Variants in COP1 observed in about 807,000 individuals in gnomAD.
COP1 encodes COP1 E3 ubiquitin ligase, also known as E3 ubiquitin-protein ligase COP1.
Under a neutral mutation model 101.3 loss-of-function variants are expected in COP1, and 24 were observed. That is an observed-to-expected ratio of 0.24 (90% CI 0.17 to 0.33). The LOEUF is 0.33. Ranked by LOEUF, COP1 falls within the 10% of genes least tolerant of loss-of-function variation. The probability of loss-of-function intolerance (pLI) is 1.00; values close to 1 mark genes in which losing one functional copy is unlikely to be tolerated. For missense variants in COP1, 663 were observed against 906.2 expected (o/e 0.73, Z 3.45); for synonymous variants, 347 against 341.9 (o/e 1.01, Z -0.17).
At chr1:176,167,705 T>C (rs1695349318) in intron 3 of COP1, among the ~76,000 whole-genome samples, 2 of 152,222 alleles carry the variant, frequency 1.3e-5, no homozygotes, top group Admixed American at 1.3e-4. Flanking sequence ...ACGGTCTTTT[T>C]AGAGGCAGAA....
At chr1:176,008,085 TG>T (rs1207763854) in intron 15 of COP1, among the ~76,000 whole-genome samples, 1 of 152,166 alleles carries the variant, frequency 6.6e-6, no homozygotes, top group Non-Finnish European at 1.5e-5. Flanking sequence ...GCGCAGTATT[TG>T]GGTGGGAGTG....
rs571395358 is a variant in COP1, at chr1:176,169,198, C to G, written c.566-5307G>C. On this transcript the variant is annotated intron_variant, in intron 3 of 19. Coordinates refer to ENST00000367669, the MANE Select transcript of COP1 (RefSeq NM_022457.7). Reference sequence around the variant, plus strand: ...AAAATTACACAAAGGAAATGGAATCCTCGTCATAGTAATATTCATCAATGC... The same window carrying G: ...AAAATTACACAAAGGAAATGGAATCGTCGTCATAGTAATATTCATCAATGC... Among the ~76,000 whole-genome samples, 9 of 152,210 alleles carry G rather than the reference C, an allele frequency of 5.9e-5. No individual in the cohort carries two copies. The East Asian group carries it at 1.7e-3, about 29-fold the overall frequency.
chr1:176,157,020 A>C (rs1031389179), intron 5 of COP1, among the ~76,000 whole-genome samples: 26 of 152,198 alleles, frequency 1.7e-4, no homozygotes, highest in African/African-American at 6.0e-4. Context: ...CAACATGGTG[A>C]GACGCCATCT....
intron 11 of COP1, among the ~76,000 whole-genome samples, chr1:176,074,426 A>T (rs773783111): frequency 5.3e-5 from 8 of 152,130 alleles, no homozygotes; most frequent in Non-Finnish European, 1.0e-4. Flanking sequence ...TTCATCTCTC[A>T]TGCCTAAGAA....
chr1:175,951,600 GA>G (rs1649930908), intron 18 of COP1, among the ~76,000 whole-genome samples: 2 of 151,766 alleles, frequency 1.3e-5, no homozygotes, highest in Admixed American at 1.3e-4. Flanking sequence ...TGAGAGAAAA[GA>G]AACAAATGAA....
intron 15 of COP1, among the ~76,000 whole-genome samples, chr1:176,016,172 T>C (rs1018458247): frequency 6.6e-6 from 1 of 152,058 alleles, no homozygotes; most frequent in Non-Finnish European, 1.5e-5. Flanking sequence ...AAGAGTGGAA[T>C]TGAGATAACT....
intron 15 of COP1, among the ~76,000 whole-genome samples, chr1:176,025,425 T>A (rs1402904058): frequency 1.5e-5 from 2 of 130,710 alleles, no homozygotes. Flanking sequence ...ACAAAACAAA[T>A]ATCCAAATAT....
At chr1:175,977,542 T>C (rs923927001) in intron 18 of COP1, among the ~76,000 whole-genome samples, 2 of 151,948 alleles carry the variant, frequency 1.3e-5, no homozygotes, top group Non-Finnish European at 2.9e-5. Context: ...GTGAATAAAA[T>C]AGAATTTAAG....
chr1:176,138,163 A>G (rs1474937022), intron 6 of COP1, among the ~76,000 whole-genome samples: 1 of 152,188 alleles, frequency 6.6e-6, no homozygotes, highest in African/African-American at 2.4e-5. Context: ...AGCAGAGTAA[A>G]TAATAACATA....
At chr1:176,089,834 A>G (rs1680956871) in intron 9 of COP1, among the ~76,000 whole-genome samples, 1 of 152,216 alleles carries the variant, frequency 6.6e-6, no homozygotes, top group South Asian at 2.1e-4. Context: ...TAAAGAAGGA[A>G]ATCAATATAT....
intron 15 of COP1, among the ~76,000 whole-genome samples, chr1:176,014,343 T>G (rs1190114846): frequency 6.6e-6 from 1 of 152,200 alleles, no homozygotes; most frequent in Non-Finnish European, 1.5e-5. Flanking sequence ...TGATTCTGGG[T>G]GCTAAATTAG....
At chr1:176,144,403 GA>G (rs1208917741) in intron 6 of COP1, among the ~76,000 whole-genome samples, 5 of 152,034 alleles carry the variant, frequency 3.3e-5, no homozygotes, top group African/African-American at 1.2e-4. Context: ...AGACTACCCT[GA>G]AAAATATAAA....
intron 5 of COP1, among the ~76,000 whole-genome samples, chr1:176,155,965 C>T (rs774606618): frequency 7.5e-4 from 113 of 151,240 alleles, no homozygotes; most frequent in Middle Eastern, 3.2e-3. Context: ...CAGATGGATG[C>T]GAGAAAAAAT....
At chr1:176,204,674 A>T (rs1033994690) in intron 1 of COP1, among the ~76,000 whole-genome samples, 1 of 152,210 alleles carries the variant, frequency 6.6e-6, no homozygotes. Context: ...AATCCCTCCC[A>T]GCACCTTGGG....
chr1:176,005,538 T>C (rs1459762821), intron 15 of COP1, among the ~76,000 whole-genome samples: 2 of 152,198 alleles, frequency 1.3e-5, no homozygotes, highest in Non-Finnish European at 2.9e-5. Flanking sequence ...TCCCAGAGAT[T>C]CTGGTATGTT....
intron 15 of COP1, among the ~76,000 whole-genome samples, chr1:176,002,535 C>A (rs189900479): frequency 7.1e-6 from 1 of 141,522 alleles, no homozygotes; most frequent in Non-Finnish European, 1.5e-5. Context: ...GTCCCCAGAG[C>A]GTGATATTCC....
chr1:176,026,789 T>A (rs1667748589), intron 15 of COP1, among the ~76,000 whole-genome samples: 1 of 152,052 alleles, frequency 6.6e-6, no homozygotes, highest in Non-Finnish European at 1.5e-5. Context: ...AACCCTGATA[T>A]TATTAATAAA....
At chr1:176,084,069 T>G (rs994740239) in intron 10 of COP1, among the ~76,000 whole-genome samples, 1 of 152,190 alleles carries the variant, frequency 6.6e-6, no homozygotes, top group Non-Finnish European at 1.5e-5. Flanking sequence ...TTACTAATAA[T>G]AGCCTACCCC....
chr1:176,182,795 T>A (rs183032301), intron 2 of COP1, among the ~76,000 whole-genome samples: 1 of 152,216 alleles, frequency 6.6e-6, no homozygotes, highest in African/African-American at 2.4e-5. Flanking sequence ...CAGAATGTCA[T>A]TGGCAATACA....
Sources: gnomAD v4.1 joint callset for allele counts (sites outside exome capture counted in the v4.1 genomes callset) on GRCh38, gnomAD v4.1.1 for gene constraint, MANE v1.5 for transcripts, NCBI Gene and HGNC (gene_info 2026-07-23, HGNC 2026-07-21) for gene names.